Variants in LAPTM4B observed in about 807,000 individuals in gnomAD.
LAPTM4B encodes the protein lysosomal protein transmembrane 4 beta.
In LAPTM4B, 26 loss-of-function variants were observed where a neutral mutation model predicts 28.5. The ratio of observed to expected loss-of-function variants is 0.91; its 90% confidence interval spans 0.67 to 1.27. The LOEUF (loss-of-function observed/expected upper bound fraction) is 1.27. LAPTM4B is among the 50% of genes most tolerant of loss of function. LAPTM4B has a pLI of 0.00. For missense variants in LAPTM4B, 288 were observed against 285.8 expected (o/e 1.01, Z -0.06); for synonymous variants, 109 against 106.4 (o/e 1.02, Z -0.15).
Position 97,812,097 on chromosome 8 carries a change from C to T in LAPTM4B, c.212-3231C>T, listed in dbSNP as rs114643017. The stretch of plus-strand genomic sequence containing the variant: ...CTGGGATTGCAGGAGTGAGCCACCG[C>T]GCCCGGCCTGGCTCTTTATTTTCAT... On this transcript the variant is annotated intron_variant, in intron 2 of 6. Transcript: ENST00000521545. Among the ~76,000 whole-genome samples the T allele has an allele frequency of 6.2e-3, 938 of 152,168 alleles. 8 individuals carry two copies. The highest frequency in any genetic ancestry group is 0.021 in the African/African-American group (872 of 41,520).
rs1399138933 is a variant in LAPTM4B, at chr8:97,852,467, C to T, written c.*993C>T. ...TTGCCTTCCTTGTATGCGCTTTTTACCTTGACTACCTGAATTGCAAGGGAT... is the reference window on the plus strand; with the variant it reads ...TTGCCTTCCTTGTATGCGCTTTTTATCTTGACTACCTGAATTGCAAGGGAT... On this transcript the variant is annotated 3_prime_UTR_variant, in exon 7 of 7. Transcript: ENST00000521545. 4 of 151,810 alleles carry T rather than the reference C, an allele frequency of 2.6e-5. No individual in the cohort carries two copies. Among genetic ancestry groups the T allele is most frequent in the African/African-American group, 9.7e-5 (4 of 41,328 alleles). 9.4% of individuals were successfully genotyped at this position (151,810 alleles called of 1,614,324 possible).
chr8:97,826,732 C>G (rs1177612568), intron 6 of LAPTM4B, among the ~76,000 whole-genome samples: 1 of 152,174 alleles, frequency 6.6e-6, no homozygotes, highest in Non-Finnish European at 1.5e-5. Context: ...TGGTCTCGAA[C>G]TCCTGACTTC....
chr8:97,795,782 G>A (rs1378369647), intron 1 of LAPTM4B, among the ~76,000 whole-genome samples: 1 of 150,462 alleles, frequency 6.6e-6, no homozygotes, highest in Non-Finnish European at 1.5e-5. Context: ...GAACCCCAGA[G>A]GCCGAGATTG....
chr8:97,783,358 A>G (rs1445279302), intron 1 of LAPTM4B, among the ~76,000 whole-genome samples: 1 of 152,118 alleles, frequency 6.6e-6, no homozygotes, highest in African/African-American at 2.4e-5. Flanking sequence ...TTGTTCACAT[A>G]GAAACTCACA....
At chr8:97,812,344 C>A (rs778850264) in intron 2 of LAPTM4B, among the ~76,000 whole-genome samples, 3 of 151,394 alleles carry the variant, frequency 2.0e-5, no homozygotes, top group Non-Finnish European at 2.9e-5. Context: ...CTTGGCCTCC[C>A]GAGTAGCTGG....
Position 97,852,890 on chromosome 8 carries a change from A to G in LAPTM4B, c.*1416A>G, listed in dbSNP as rs959142482. ...CTCAAGTAATTACTATGAAATAACA[A>G]TTTCTAGAAATGAAGAACAATCCGT... On this transcript the variant is annotated 3_prime_UTR_variant, in exon 7 of 7. Transcript: ENST00000521545. The G allele has an allele frequency of 1.2e-5, 5 of 400,222 alleles. No individual in the cohort carries two copies. Among genetic ancestry groups the G allele is most frequent in the Admixed American group, 4.3e-5 (1 of 23,042 alleles). 24.8% of individuals were successfully genotyped at this position (400,222 alleles called of 1,614,324 possible).
At chr8:97,841,824 A>C (rs907104240) in intron 6 of LAPTM4B, among the ~76,000 whole-genome samples, 1 of 152,232 alleles carries the variant, frequency 6.6e-6, no homozygotes, top group African/African-American at 2.4e-5. Flanking sequence ...ATTTGATGTA[A>C]ACACTGCACA....
chr8:97,797,813 A>G (rs1816614662), intron 1 of LAPTM4B, among the ~76,000 whole-genome samples: 1 of 152,218 alleles, frequency 6.6e-6, no homozygotes, highest in South Asian at 2.1e-4. Context: ...AGGACTTTGA[A>G]TTCCTGGAAC....
intron 5 of LAPTM4B, among the ~76,000 whole-genome samples, chr8:97,823,699 T>TAG (rs1491262373): frequency 3.5e-5 from 2 of 56,648 alleles, no homozygotes; most frequent in East Asian, 7.4e-4. Flanking sequence ...ATTTATTTAG[T>TAG]TTTTTTTTTT....
chr8:97,810,813 A>G (rs1230330907), intron 2 of LAPTM4B, among the ~76,000 whole-genome samples: 2 of 152,256 alleles, frequency 1.3e-5, no homozygotes. Flanking sequence ...CACTGGGCAG[A>G]CAAATTTAGC....
At chr8:97,817,445 CTTTTT>C (rs753483537) in intron 4 of LAPTM4B, among the ~76,000 whole-genome samples, 3 of 89,002 alleles carry the variant, frequency 3.4e-5, no homozygotes, top group South Asian at 4.6e-4. Flanking sequence ...GCCAACTTTA[CTTTTT>C]TTTTTTTTTT....
chr8:97,789,792 A>G (rs1447064547), intron 1 of LAPTM4B, among the ~76,000 whole-genome samples: 1 of 152,070 alleles, frequency 6.6e-6, no homozygotes, highest in Non-Finnish European at 1.5e-5. Context: ...AAGTGCTGGG[A>G]TTACAGGCAT....
At chr8:97,789,345 A>G (rs1408050513) in intron 1 of LAPTM4B, among the ~76,000 whole-genome samples, 2 of 149,334 alleles carry the variant, frequency 1.3e-5, no homozygotes, top group African/African-American at 2.5e-5. Context: ...AAGTGCTGGG[A>G]TTACAAGTGT....
chr8:97,816,288 T>G, intron 4 of LAPTM4B, 108 bp downstream of exon 4: 1 of 1,153,532 alleles, frequency 8.7e-7, no homozygotes, highest in Non-Finnish European at 1.2e-6. Flanking sequence ...GATTTTTAGC[T>G]TGCAGCTGAG....
rs576798649 is a variant in LAPTM4B, at chr8:97,781,212, C to G, written c.99+5104C>G. 6.7e-5 allele frequency among the ~76,000 whole-genome samples: 10 copies of G among 149,112 alleles called. No homozygotes were observed. In the East Asian group the frequency reaches 2.0e-3, roughly 29 times the overall value. ...TTCAGGCTGGTCTTGAACTCCTGAC[C>G]TTGTGATCCATCCGCCTTGGCCTCC... On this transcript the variant is annotated intron_variant, in intron 1 of 6. Coordinates refer to ENST00000521545, the MANE Select transcript of LAPTM4B (RefSeq NM_018407.6).
chr8:97,795,432 C>T (rs990528332), intron 1 of LAPTM4B, among the ~76,000 whole-genome samples: 4 of 152,122 alleles, frequency 2.6e-5, no homozygotes, highest in East Asian at 1.9e-4. Context: ...GATTATTGTA[C>T]GTTTACATAA....
At chr8:97,849,774 T>C (rs59647199) in intron 6 of LAPTM4B, among the ~76,000 whole-genome samples, 38,721 of 151,788 alleles carry the variant, frequency 0.26, 5,530 homozygotes, top group African/African-American at 0.38. Flanking sequence ...TAGGGGGCAC[T>C]GGAGGAGGAA....
At chr8:97,801,930 A>G (rs1422253199) in intron 1 of LAPTM4B, among the ~76,000 whole-genome samples, 1 of 151,966 alleles carries the variant, frequency 6.6e-6, no homozygotes, top group Non-Finnish European at 1.5e-5. Flanking sequence ...ATAAATCTTA[A>G]TGCCAGTTGT....
intron 6 of LAPTM4B, among the ~76,000 whole-genome samples, chr8:97,846,986 G>C (rs922397535): frequency 1.1e-4 from 16 of 152,188 alleles, no homozygotes; most frequent in Admixed American, 8.5e-4. Flanking sequence ...TGATGTAGCT[G>C]AGAAGAATGA....
Sources: allele counts gnomAD v4.1 joint callset (sites outside exome capture counted in the v4.1 genomes callset), GRCh38; gene constraint gnomAD v4.1.1; transcripts MANE v1.5; gene names NCBI Gene and HGNC (gene_info 2026-07-23, HGNC 2026-07-21).